The following ARHGAP17 variants were observed in gnomAD, a reference collection of about 807,000 sequenced individuals.
The protein encoded by ARHGAP17 is rho GTPase-activating protein 17.
ARHGAP17 carries 57 observed loss-of-function variants against 99.5 expected under a neutral mutation model. The observed-to-expected ratio is 0.57, with a 90% CI of 0.46 to 0.71. ARHGAP17 has a LOEUF of 0.71. ARHGAP17 is among the 30% of genes least tolerant of loss of function. The pLI, the probability that ARHGAP17 is intolerant of heterozygous loss-of-function variation, is 0.00. For synonymous variants in ARHGAP17, 417 were observed against 429.6 expected (o/e 0.97, Z 0.36); for missense variants, 1,000 against 1,122.4 (o/e 0.89, Z 1.56).
chr16:24,932,627 A>G (rs2051026379), intron 18 of ARHGAP17, among the ~76,000 whole-genome samples: 1 of 152,144 alleles, frequency 6.6e-6, no homozygotes, highest in Non-Finnish European at 1.5e-5. Flanking sequence ...GTTAATAGAT[A>G]TGTCCTGGAC....
intron 1 of ARHGAP17, among the ~76,000 whole-genome samples, chr16:25,009,252 A>G (rs546081566): frequency 8.3e-4 from 126 of 152,222 alleles, no homozygotes; most frequent in Non-Finnish European, 1.5e-3. Flanking sequence ...CTGTAAGCCC[A>G]GCTACTCGGG....
intron 7 of ARHGAP17, among the ~76,000 whole-genome samples, chr16:24,963,513 A>G (rs566782529): frequency 1.3e-5 from 2 of 152,330 alleles, no homozygotes; most frequent in South Asian, 2.1e-4. Context: ...GTCTAAGTCA[A>G]TCCAGACTTA....
At chr16:24,958,195 T>C (rs2051867971) in intron 9 of ARHGAP17, among the ~76,000 whole-genome samples, 1 of 152,004 alleles carries the variant, frequency 6.6e-6, no homozygotes, top group African/African-American at 2.4e-5. Context: ...AGAATGAGAG[T>C]TCTAGTCTAG....
chr16:25,012,993 C>A (rs1308329467), intron 1 of ARHGAP17, among the ~76,000 whole-genome samples: 2 of 152,168 alleles, frequency 1.3e-5, no homozygotes, highest in Non-Finnish European at 2.9e-5. Context: ...GGGGTAGGAA[C>A]CACAGCAGAC....
chr16:24,999,068 G>A (rs1000268226), intron 1 of ARHGAP17, among the ~76,000 whole-genome samples: 43 of 152,276 alleles, frequency 2.8e-4, no homozygotes, highest in Middle Eastern at 3.4e-3. Flanking sequence ...CCACACTCCC[G>A]GGACAGCAAC....
At chr16:25,002,822 T>C (rs914991767) in intron 1 of ARHGAP17, among the ~76,000 whole-genome samples, 9 of 152,138 alleles carry the variant, frequency 5.9e-5, no homozygotes, top group Non-Finnish European at 1.2e-4. Flanking sequence ...GTGGATCACC[T>C]GAGGTCAGGA....
At chr16:25,008,369 A>G (rs1465756691) in intron 1 of ARHGAP17, among the ~76,000 whole-genome samples, 3 of 152,198 alleles carry the variant, frequency 2.0e-5, no homozygotes, top group Non-Finnish European at 4.4e-5. Flanking sequence ...CATAACAACA[A>G]TATATGCATA....
At chr16:24,920,662 T>TAA (rs1425398684) in intron 19 of ARHGAP17, 1 of 168,558 alleles carries the variant, frequency 5.9e-6, no homozygotes, top group East Asian at 1.7e-4. Flanking sequence ...TTTCCTCCTG[T>TAA]TACTAACACT....
At chr16:24,975,820 G>T (rs1321085879) in intron 3 of ARHGAP17, among the ~76,000 whole-genome samples, 1 of 152,162 alleles carries the variant, frequency 6.6e-6, no homozygotes, top group Admixed American at 6.5e-5. Flanking sequence ...ACTTGTAAAA[G>T]CAAGGATGGA....
intron 11 of ARHGAP17, 132 bp from the exon 12 acceptor site, chr16:24,952,502 A>C (rs1448614758): frequency 1.6e-6 from 1 of 627,322 alleles, no homozygotes; most frequent in Non-Finnish European, 2.6e-6. Context: ...ATAAGTTGGC[A>C]AGAGTTGTTA....
chr16:24,970,700 C>G, intron 3 of ARHGAP17, 120 bp from the exon 4 acceptor site: 1 of 867,792 alleles, frequency 1.2e-6, no homozygotes, highest in Non-Finnish European at 1.9e-6. Flanking sequence ...TAGGAGACAG[C>G]CTGTCTGGGT....
intron 13 of ARHGAP17, among the ~76,000 whole-genome samples, chr16:24,947,993 G>A (rs1787612350): frequency 1.3e-5 from 2 of 152,034 alleles, no homozygotes; most frequent in Non-Finnish European, 2.9e-5. Flanking sequence ...AACACTTTAT[G>A]GTGGAATTAT....
At chr16:24,997,263 G>C (rs561995160) in intron 1 of ARHGAP17, among the ~76,000 whole-genome samples, 1 of 149,532 alleles carries the variant, frequency 6.7e-6, no homozygotes, top group African/African-American at 2.5e-5. Flanking sequence ...GGTGCAAGGC[G>C]CCCAGTACAC....
intron 1 of ARHGAP17, among the ~76,000 whole-genome samples, chr16:24,990,154 T>C (rs1388137043): frequency 6.6e-6 from 1 of 152,084 alleles, no homozygotes; most frequent in Non-Finnish European, 1.5e-5. Flanking sequence ...CAACTAAAGA[T>C]AAAAGGGGAA....
At position 24,978,955 on chromosome 16, in the gene ARHGAP17, T is replaced by C. The variant is rs2052597725; in HGVS notation, c.93+11A>G. ...TAAACAGATCATTTAAAGGAGACTA[T>C]ATTTTGTTACCTGTAATAGATCTTC... On this transcript the variant is annotated intron_variant, in intron 2 of 19. Coordinates refer to ENST00000289968, the MANE Select transcript of ARHGAP17 (RefSeq NM_001006634.3). 6.3e-7 allele frequency: 1 copy of C among 1,581,862 alleles called. No individual in the cohort carries two copies. The highest frequency in any genetic ancestry group is 8.6e-7 in the Non-Finnish European group (1 of 1,167,314).
At chr16:24,923,395 T>C (rs2050763526) in intron 19 of ARHGAP17, among the ~76,000 whole-genome samples, 1 of 152,224 alleles carries the variant, frequency 6.6e-6, no homozygotes, top group African/African-American at 2.4e-5. Flanking sequence ...AACTCGTATA[T>C]TAACTGCACT....
chr16:24,936,549 T>C (rs899573262), intron 17 of ARHGAP17: 1 of 151,886 alleles, frequency 6.6e-6, no homozygotes, highest in African/African-American at 2.4e-5. Flanking sequence ...CTACTAAAAA[T>C]ACAAATATTA....
chr16:24,928,704 T>G (rs944785106), intron 19 of ARHGAP17, among the ~76,000 whole-genome samples: 1 of 152,168 alleles, frequency 6.6e-6, no homozygotes, highest in Non-Finnish European at 1.5e-5. Context: ...GGGCCCACAG[T>G]AGGCCTAAGG....
At chr16:24,922,633 C>T (rs1299123941) in intron 19 of ARHGAP17, among the ~76,000 whole-genome samples, 1 of 151,866 alleles carries the variant, frequency 6.6e-6, no homozygotes, top group Non-Finnish European at 1.5e-5. Flanking sequence ...CTGTACAGAA[C>T]CAGTTTTCAG....
Sources: allele counts gnomAD v4.1 joint callset (sites outside exome capture counted in the v4.1 genomes callset), GRCh38; gene constraint gnomAD v4.1.1; transcripts MANE v1.5; gene names NCBI Gene and HGNC (gene_info 2026-07-23, HGNC 2026-07-21).